The following LIN52 variants were observed in gnomAD, a reference collection of about 807,000 sequenced individuals.
The protein encoded by LIN52 is protein lin-52 homolog.
A neutral mutation model predicts 18.5 loss-of-function variants in LIN52; 4 were observed. The ratio of observed to expected loss-of-function variants is 0.22; its 90% CI spans 0.11 to 0.49. The LOEUF (loss-of-function observed/expected upper bound fraction) is 0.49. LIN52 is among the 20% of genes least tolerant of loss of function. The pLI is 0.97. For synonymous variants in LIN52, 34 were observed against 45.5 expected (o/e 0.75, Z 1.02); for missense variants, 102 against 139.5 (o/e 0.73, Z 1.35).
chr14:74,189,835 AT>A (rs1020716005), intron 5 of LIN52, among the ~76,000 whole-genome samples: 3 of 152,184 alleles, frequency 2.0e-5, no homozygotes, highest in Non-Finnish European at 4.4e-5. Context: ...AGCCATTAAA[AT>A]TATTTTCCAT....
At chr14:74,096,082 G>A (rs1342271738) in intron 3 of LIN52, 97 bp downstream of exon 3, 1 of 837,096 alleles carries the variant, frequency 1.2e-6, no homozygotes, top group Non-Finnish European at 1.8e-6. Flanking sequence ...TTTTATTTAT[G>A]GCAGAGTCTC....
chr14:74,098,550 G>GTTT (rs201139743), intron 4 of LIN52, among the ~76,000 whole-genome samples: 4 of 140,392 alleles, frequency 2.8e-5, no homozygotes, highest in Admixed American at 7.2e-5. Flanking sequence ...TTTAACTCTG[G>GTTT]TTTTTTTTTT....
intron 5 of LIN52, among the ~76,000 whole-genome samples, chr14:74,128,573 C>T: frequency 6.6e-6 from 1 of 152,194 alleles, no homozygotes; most frequent in East Asian, 1.9e-4. Flanking sequence ...ATACATCTGT[C>T]AAAACATACC....
At chr14:74,145,653 A>G (rs1204016850) in intron 5 of LIN52, among the ~76,000 whole-genome samples, 3 of 152,254 alleles carry the variant, frequency 2.0e-5, no homozygotes, top group Non-Finnish European at 2.9e-5. Flanking sequence ...AGAGGAAGGA[A>G]CATCACTTAA....
intron 5 of LIN52, among the ~76,000 whole-genome samples, chr14:74,145,512 C>T (rs1481042717): frequency 2.0e-5 from 3 of 152,178 alleles, no homozygotes; most frequent in South Asian, 2.1e-4. Context: ...AAGGATGTAC[C>T]TCTTCTAAAG....
At chr14:74,178,556 C>T (rs1831603339) in intron 5 of LIN52, among the ~76,000 whole-genome samples, 1 of 151,298 alleles carries the variant, frequency 6.6e-6, no homozygotes, top group African/African-American at 2.4e-5. Context: ...CTCCTGGGTT[C>T]AAGTGATTCT....
chr14:74,092,000 GTC>G (rs755358397), intron 2 of LIN52, among the ~76,000 whole-genome samples: 1 of 151,982 alleles, frequency 6.6e-6, no homozygotes, highest in Non-Finnish European at 1.5e-5. Context: ...TTGAACCAGA[GTC>G]TCTCTCTGTC....
chr14:74,126,110 A>G (rs995631241), intron 5 of LIN52, among the ~76,000 whole-genome samples: 7 of 152,166 alleles, frequency 4.6e-5, no homozygotes, highest in Non-Finnish European at 1.0e-4. Context: ...ATGGCTAACA[A>G]GCACATGCAA....
Position 74,190,447 on chromosome 14 carries a change from A to T in LIN52, c.284-8475A>T, listed in dbSNP as rs562045165. ...TACCCTGTCACCCAGGCTTGAGTACACTGGTGCGATCTCAGCTCACTGCAA... is the reference window on the plus strand; with the variant it reads ...TACCCTGTCACCCAGGCTTGAGTACTCTGGTGCGATCTCAGCTCACTGCAA... On this transcript the variant is annotated intron_variant, in intron 5 of 5. Coordinates refer to ENST00000555028, the MANE Select transcript of LIN52 (RefSeq NM_001024674.3). 3.8e-4 allele frequency among the ~76,000 whole-genome samples: 49 copies of T among 130,074 alleles called. 1 individual carries two copies. The South Asian group carries it at 0.011, about 30-fold the overall frequency. 85.3% of individuals were successfully genotyped at this position (130,074 alleles called of 152,430 possible).
chr14:74,131,463 C>T (rs1408834765), intron 5 of LIN52, among the ~76,000 whole-genome samples: 5 of 151,884 alleles, frequency 3.3e-5, no homozygotes, highest in African/African-American at 7.3e-5. Flanking sequence ...GGATTGCAGG[C>T]GCCTGCCACC....
At chr14:74,153,604 G>A (rs2061186275) in intron 5 of LIN52, among the ~76,000 whole-genome samples, 2 of 151,452 alleles carry the variant, frequency 1.3e-5, no homozygotes, top group South Asian at 4.2e-4. Context: ...GAGTACAGTG[G>A]CGCAATCTTG....
At chr14:74,128,465 G>T (rs1325216788) in intron 5 of LIN52, among the ~76,000 whole-genome samples, 1 of 152,144 alleles carries the variant, frequency 6.6e-6, no homozygotes, top group African/African-American at 2.4e-5. Flanking sequence ...TGGCACCACT[G>T]GGCCAGTAAT....
Position 74,199,351 on chromosome 14 carries a change from A to T in LIN52, c.*374A>T, listed in dbSNP as rs1375544274. 2 of 178,138 alleles carry T rather than the reference A, an allele frequency of 1.1e-5. No homozygotes were observed. Among genetic ancestry groups the T allele is most frequent in the Non-Finnish European group, 2.4e-5 (2 of 84,792 alleles). 11.0% of individuals were successfully genotyped at this position (178,138 alleles called of 1,614,324 possible). On this transcript the variant is annotated 3_prime_UTR_variant, in exon 6 of 6. Transcript: ENST00000555028. The stretch of plus-strand genomic sequence containing the variant: ...CTCAGTCATGGCAGTCAGTTGTGAC[A>T]TGTTGATTGGATGGGTTCTTTTGAA...
chr14:74,130,072 A>G (rs1296275389), intron 5 of LIN52, among the ~76,000 whole-genome samples: 1 of 152,014 alleles, frequency 6.6e-6, no homozygotes, highest in Non-Finnish European at 1.5e-5. Flanking sequence ...ACTTGCTATC[A>G]GGAGAACAGT....
intron 4 of LIN52, among the ~76,000 whole-genome samples, chr14:74,098,241 G>T (rs997743495): frequency 6.6e-6 from 1 of 152,098 alleles, no homozygotes; most frequent in African/African-American, 2.4e-5. Context: ...TTAAAATTTG[G>T]CTAGGCGTGG....
At chr14:74,183,258 C>T (rs886689715) in intron 5 of LIN52, among the ~76,000 whole-genome samples, 7 of 151,958 alleles carry the variant, frequency 4.6e-5, no homozygotes, top group Non-Finnish European at 7.4e-5. Context: ...CCACCACGCC[C>T]GGCTAATTTT....
Position 74,114,204 on chromosome 14 carries a change from G to C in LIN52, c.283+12966G>C, listed in dbSNP as rs1397472456. 11 of 984,442 alleles carry C rather than the reference G, an allele frequency of 1.1e-5. 1 individual carries two copies. The Middle Eastern group carries it at 1.6e-3, about 140-fold the overall frequency. The allele number at this position is 984,442 out of a possible 1,614,324, so 61.0% of individuals were successfully genotyped here. A position where few individuals can be genotyped will look rare whatever the true frequency, so the allele number is the denominator to read the frequency against. ...TGTGTGTGTGTGTGTGTGTGTGTGTGTGTGTGTGTAGTTTTAACTTGTGCT... is the reference window on the plus strand; with the variant it reads ...TGTGTGTGTGTGTGTGTGTGTGTGTCTGTGTGTGTAGTTTTAACTTGTGCT... On this transcript the variant is annotated intron_variant, in intron 5 of 5. Transcript: ENST00000555028.
intron 3 of LIN52, among the ~76,000 whole-genome samples, chr14:74,097,425 CTTTTTTTTTT>C (rs35249058): frequency 7.5e-6 from 1 of 133,578 alleles, no homozygotes; most frequent in Non-Finnish European, 1.6e-5. Flanking sequence ...TTTTCTTTTT[CTTTTTTTTTT>C]TTTTTTTTGA....
chr14:74,098,626 C>A (rs1355582788), intron 4 of LIN52, among the ~76,000 whole-genome samples: 1 of 151,022 alleles, frequency 6.6e-6, no homozygotes, highest in Non-Finnish European at 1.5e-5. Flanking sequence ...CGGCTCACTG[C>A]AACCTCCGCC....
Sources: allele counts gnomAD v4.1 joint callset (sites outside exome capture counted in the v4.1 genomes callset), GRCh38; gene constraint gnomAD v4.1.1; transcripts MANE v1.5; gene names NCBI Gene and HGNC (gene_info 2026-07-23, HGNC 2026-07-21).